The following RPS6KA1 variants were observed in gnomAD, a reference collection of about 807,000 sequenced individuals.
The protein encoded by RPS6KA1 is ribosomal protein S6 kinase A1.
RPS6KA1 carries 48 observed loss-of-function variants against 91.3 expected under a neutral mutation model. The ratio of observed to expected loss-of-function variants is 0.53; its 90% CI spans 0.42 to 0.67. RPS6KA1 has a LOEUF of 0.67. Among genes scored for constraint, RPS6KA1 ranks in the 30% least tolerant of loss-of-function variants. The probability of loss-of-function intolerance (pLI) is 0.00; values close to 1 mark genes in which losing one functional copy is unlikely to be tolerated. For missense variants in RPS6KA1, 719 were observed against 960.5 expected (o/e 0.75, Z 3.32); for synonymous variants, 359 against 384.7 (o/e 0.93, Z 0.78).
intron 1 of RPS6KA1, among the ~76,000 whole-genome samples, chr1:26,536,026 C>T (rs370441829): frequency 1.6e-4 from 25 of 152,096 alleles, no homozygotes; most frequent in African/African-American, 5.1e-4. Context: ...TGGTGGCGTA[C>T]GCCTGTAATC....
intron 17 of RPS6KA1, among the ~76,000 whole-genome samples, chr1:26,564,358 A>G (rs1274244742): frequency 6.6e-6 from 1 of 152,098 alleles, no homozygotes; most frequent in African/African-American, 2.4e-5. Flanking sequence ...TCCCAGGTTC[A>G]CGCCATTCTC....
At chr1:26,565,568 C>CTTTTCT (rs71581076) in intron 17 of RPS6KA1, among the ~76,000 whole-genome samples, 6 of 150,306 alleles carry the variant, frequency 4.0e-5, no homozygotes, top group Non-Finnish European at 8.9e-5. Flanking sequence ...CTTTTCTTTT[C>CTTTTCT]TTTTTTTTTG....
Position 26,571,372 on chromosome 1 carries a change from T to G in RPS6KA1, c.1591-77T>G. The G allele has an allele frequency of 6.9e-7, 1 of 1,441,108 alleles. No individual in the cohort carries two copies. The highest frequency in any genetic ancestry group is 9.7e-7 in the Non-Finnish European group (1 of 1,033,058). 89.3% of individuals were successfully genotyped at this position (1,441,108 alleles called of 1,614,324 possible). Reference sequence around the variant, plus strand: ...CCCTCTGCACCCTGTCTGTGTAGCTTTCTAATCTCTGGCCGCTGACCTGGG... The same window carrying G: ...CCCTCTGCACCCTGTCTGTGTAGCTGTCTAATCTCTGGCCGCTGACCTGGG... On this transcript the variant is annotated intron_variant, in intron 17 of 21. Transcript: ENST00000374168. The surrounding 1 kb of genome is among the most constrained non-coding windows in gnomAD (Gnocchi z 5.1).
chr1:26,539,588 A>G (rs2075931456), intron 2 of RPS6KA1, among the ~76,000 whole-genome samples: 1 of 152,274 alleles, frequency 6.6e-6, no homozygotes, highest in African/African-American at 2.4e-5. Context: ...AATGTGGTAC[A>G]TATAAATTAA....
At chr1:26,569,416 C>T (rs1217569788) in intron 17 of RPS6KA1, among the ~76,000 whole-genome samples, 5 of 152,046 alleles carry the variant, frequency 3.3e-5, no homozygotes, top group Admixed American at 6.6e-5. Context: ...TGTGGGCATA[C>T]GATTGTGTTT....
intron 17 of RPS6KA1, among the ~76,000 whole-genome samples, chr1:26,568,527 T>C (rs1208225199): frequency 6.6e-6 from 1 of 151,980 alleles, no homozygotes; most frequent in Non-Finnish European, 1.5e-5. Context: ...GGCAGGTGGA[T>C]TGCCTGAGGT....
intron 1 of RPS6KA1, among the ~76,000 whole-genome samples, chr1:26,531,822 G>T (rs2075869515): frequency 6.6e-6 from 1 of 152,170 alleles, no homozygotes; most frequent in South Asian, 2.1e-4. Context: ...GCTGGGTACT[G>T]TTGTCTGGTC....
rs1297657053 is a variant in RPS6KA1, at chr1:26,551,413, G to A, written c.324G>A (p.Arg108=). The change falls in exon 5 of 22, where the codon CGG becomes CGA. Residue 108 remains arginine, a synonymous_variant. Coordinates refer to ENST00000374168, the MANE Select transcript of RPS6KA1 (RefSeq NM_002953.4). The surrounding 1 kb of genome is among the most constrained non-coding windows in gnomAD (Gnocchi z 4.5). ...KATLKVRDRV[R]TKMERDILAD... is the part of the protein sequence containing the mutation. ...TCTGGCCAGTACGTGACCGCGTCCG[G>A]ACCAAGATGGAGAGAGACATCCTGG... 4.3e-6 allele frequency: 7 copies of A among 1,614,146 alleles called. No individual in the cohort carries two copies. The highest frequency in any genetic ancestry group is 5.9e-6 in the Non-Finnish European group (7 of 1,180,010).
chr1:26,558,691 C>A lies in RPS6KA1; in HGVS notation c.1085-116C>A. ...GATGGACAGGCCCTCTGCAGGCTCC[C>A]GCCACGGCCAGCCCCTGAGGCAGGT... On this transcript the variant is annotated intron_variant, in intron 13 of 21. Transcript: ENST00000374168. The surrounding 1 kb of genome is among the most constrained non-coding windows in gnomAD (Gnocchi z 4.0). 7.8e-7 allele frequency: 1 copy of A among 1,283,522 alleles called. No homozygotes were observed. The highest frequency in any genetic ancestry group is 1.1e-6 in the Non-Finnish European group (1 of 921,638). 79.5% of individuals were successfully genotyped at this position (1,283,522 alleles called of 1,614,324 possible). A position where few individuals can be genotyped will look rare whatever the true frequency, so the allele number is the denominator to read the frequency against.
intron 17 of RPS6KA1, among the ~76,000 whole-genome samples, chr1:26,563,378 C>T (rs895789708): frequency 2.0e-5 from 3 of 151,926 alleles, no homozygotes; most frequent in Admixed American, 2.0e-4. Context: ...CAGGCACGCA[C>T]CACCACACCT....
Position 26,536,144 on chromosome 1 carries a change from A to C in RPS6KA1, c.64-781A>C, listed in dbSNP as rs151332721. Among the ~76,000 whole-genome samples, 393 of 138,972 alleles carry C rather than the reference A, an allele frequency of 2.8e-3. 1 individual carries two copies. Among genetic ancestry groups the C allele is most frequent in the African/African-American group, 0.01 (384 of 37,348 alleles). 91.2% of individuals were successfully genotyped at this position (138,972 alleles called of 152,430 possible). A position where few individuals can be genotyped will look rare whatever the true frequency, so the allele number is the denominator to read the frequency against. On this transcript the variant is annotated intron_variant, in intron 1 of 21. Coordinates refer to ENST00000374168, the MANE Select transcript of RPS6KA1 (RefSeq NM_002953.4). The stretch of plus-strand genomic sequence containing the variant: ...ACTCCAGCCTCAGCAACAGAGCAAA[A>C]CTCTGTCTAAAAAAAAAAAAAAAAA...
chr1:26,563,023 G>T (rs1243107232), intron 17 of RPS6KA1, among the ~76,000 whole-genome samples: 1 of 151,744 alleles, frequency 6.6e-6, no homozygotes, highest in African/African-American at 2.4e-5. Flanking sequence ...ATTTTTAGTA[G>T]AGATGGGGTT....
chr1:26,556,492 C>T lies in RPS6KA1; in HGVS notation c.917-162C>T, dbSNP rs530387096. ...AAAGTGGAAAATGCTGAGTAGGTGA[C>T]AGGCCTTAGGGTGATGGCTGGGTAG... On this transcript the variant is annotated intron_variant, in intron 11 of 21. Transcript: ENST00000374168. Among the ~76,000 whole-genome samples the T allele has an allele frequency of 5.3e-5, 8 of 152,326 alleles. No individual in the cohort carries two copies. The South Asian group carries it at 1.7e-3, about 32-fold the overall frequency.
chr1:26,554,688 C>A lies in RPS6KA1; in HGVS notation c.706C>A (p.Arg236Ser), dbSNP rs774322176. The A allele has an allele frequency of 6.2e-7, 1 of 1,613,018 alleles. No individual in the cohort carries two copies. The highest frequency in any genetic ancestry group is 8.5e-7 in the Non-Finnish European group (1 of 1,179,156). ...GTACATGGCCCCTGAGGTCGTCAAC[C>A]GCCAGGGCCACTCCCATAGTGCGGA... ...VEYMAPEVVN[R>S]QGHSHSADWW... is the part of the protein sequence containing the mutation. The change falls in exon 9 of 22, where the codon CGC (arginine) becomes AGC (serine). Residue 236 changes from arginine to serine, a missense_variant. By Grantham distance (110) the Arg-to-Ser change is moderately radical. This residue lies in a region of RPS6KA1 where 159 missense variants were observed against 264.5 expected (regional missense o/e 0.60). Coordinates refer to ENST00000374168, the MANE Select transcript of RPS6KA1 (RefSeq NM_002953.4). The surrounding 1 kb of genome is among the most constrained non-coding windows in gnomAD (Gnocchi z 4.6).
Position 26,547,084 on chromosome 1 carries a change from C to G in RPS6KA1, c.225+101C>G. On this transcript the variant is annotated intron_variant, in intron 3 of 21. Transcript: ENST00000374168. The surrounding 1 kb of genome is among the most constrained non-coding windows in gnomAD (Gnocchi z 4.1). The stretch of plus-strand genomic sequence containing the variant: ...CAAAGGATCAGAGGTCACCTTGGTA[C>G]CCAGGGAGAGCAAAAAGGTCAGCTT... 1 of 1,523,962 alleles carries G rather than the reference C, an allele frequency of 6.6e-7. No individual in the cohort carries two copies. Among genetic ancestry groups the G allele is most frequent in the Non-Finnish European group, 9.1e-7 (1 of 1,099,322 alleles). 94.4% of individuals were successfully genotyped at this position (1,523,962 alleles called of 1,614,324 possible).
In RPS6KA1 at chr1:26,547,100, A is replaced by C. The variant is rs187671658; in HGVS notation, c.226-89A>C. On this transcript the variant is annotated intron_variant, in intron 3 of 21. Coordinates refer to ENST00000374168, the MANE Select transcript of RPS6KA1 (RefSeq NM_002953.4). This position sits in a 1 kb window ranked among gnomAD's most constrained non-coding sequence, Gnocchi z 4.1. ...ACCTTGGTACCCAGGGAGAGCAAAA[A>C]GGTCAGCTTGGGGCTCAGAGAAGAT... The C allele has an allele frequency of 6.5e-7, 1 of 1,548,592 alleles. No individual in the cohort carries two copies. Among genetic ancestry groups the C allele is most frequent in the East Asian group, 2.2e-5 (1 of 44,474 alleles).
At chr1:26,559,071 A>T (rs1343034878) in intron 14 of RPS6KA1, 134 bp downstream of exon 14, 3 of 1,020,246 alleles carry the variant, frequency 2.9e-6, no homozygotes, top group Non-Finnish European at 4.2e-6. Flanking sequence ...AACATAAAAC[A>T]GGGACAGTAA....
In RPS6KA1 at chr1:26,562,825, C is replaced by CTTTTTTTTTTTTT. The variant is rs748764001; in HGVS notation, c.1590+1177_1590+1189dup. Among the ~76,000 whole-genome samples, 115 of 81,442 alleles carry CTTTTTTTTTTTTT rather than the reference C, an allele frequency of 1.4e-3. 6 individuals are homozygous for CTTTTTTTTTTTTT. Among genetic ancestry groups the CTTTTTTTTTTTTT allele is most frequent in the African/African-American group, 5.7e-3 (112 of 19,740 alleles). The allele number at this position is 81,442 out of a possible 152,430, so 53.4% of individuals were successfully genotyped here. ...ATAGACACATTTTTCTCCTATTGTC[C>CTTTTTTTTTTTTT]TTTTTTTTTTTTTTTTTTTTTTTTT... On this transcript the variant is annotated intron_variant, in intron 17 of 21. Transcript: ENST00000374168.
In RPS6KA1 at chr1:26,574,692, T is replaced by C. The variant is rs1480094168; in HGVS notation, c.*491T>C. ...TGGCTGTTTAGCAGAACTCATTCTA[T>C]CCCCAATCAGCTCCTTTTCCGTTCT... On this transcript the variant is annotated 3_prime_UTR_variant, in exon 22 of 22. Transcript: ENST00000374168. This position sits in a 1 kb window ranked among gnomAD's most constrained non-coding sequence, Gnocchi z 4.3. 8.7e-6 allele frequency: 3 copies of C among 343,284 alleles called. No individual in the cohort carries two copies. The highest frequency in any genetic ancestry group is 2.2e-5 in the South Asian group (1 of 45,102). The allele number at this position is 343,284 out of a possible 1,614,324, so 21.3% of individuals were successfully genotyped here.
Sources: allele counts gnomAD v4.1 joint callset (sites outside exome capture counted in the v4.1 genomes callset), GRCh38; gene constraint gnomAD v4.1.1; regional missense constraint gnomAD v4.1.1; non-coding constraint Gnocchi (gnomAD v3.1); transcripts MANE v1.5; gene names NCBI Gene and HGNC (gene_info 2026-07-23, HGNC 2026-07-21).